LAMA3: variants seen among roughly 807,000 people sequenced by gnomAD.
LAMA3 encodes laminin subunit alpha 3.
Under a neutral mutation model 402.0 loss-of-function variants are expected in LAMA3, and 281 were observed. The ratio of observed to expected loss-of-function variants is 0.70; its 90% CI spans 0.63 to 0.77. LAMA3 has a LOEUF of 0.77. LAMA3 is among the 30% of genes least tolerant of loss of function. The pLI, the probability that LAMA3 is intolerant of heterozygous loss-of-function variation, is 0.00. For synonymous variants in LAMA3, 1,431 were observed against 1,558.4 expected (o/e 0.92, Z 1.93); for missense variants, 3,840 against 4,215.5 (o/e 0.91, Z 2.47).
rs769503044 is a variant in LAMA3 at position 23,916,741 on chromosome 18, GTTTAGCAA to G, written c.7923+50_7923+57del. The G allele has an allele frequency of 1.2e-5, 19 of 1,598,316 alleles. No homozygotes were observed. The Middle Eastern group carries it at 1.5e-3, about 125-fold the overall frequency. ...AGATACAACCAAATATATTCATTCT[GTTTAGCAA>G]TTTGGAGATAACTGGGTTGTTATAA... is the stretch of plus-strand genomic sequence containing the variant. On this transcript the variant is annotated intron_variant, in intron 60 of 74. Transcript: ENST00000313654.
At chr18:23,836,610 G>A (rs2063585953) in intron 24 of LAMA3, among the ~76,000 whole-genome samples, 1 of 152,170 alleles carries the variant, frequency 6.6e-6, no homozygotes, top group Non-Finnish European at 1.5e-5. Context: ...TGGGATGGTG[G>A]CTGTGAGGCT....
At chr18:23,714,256 A>G (rs2145913155) in intron 2 of LAMA3, among the ~76,000 whole-genome samples, 184 bp downstream of exon 2, 1 of 152,334 alleles carries the variant, frequency 6.6e-6, no homozygotes, top group South Asian at 2.1e-4. Flanking sequence ...ACAGTGGCTC[A>G]TGCCTGTAAT....
chr18:23,901,402 C>A, intron 48 of LAMA3, 79 bp downstream of exon 48: 2 of 1,208,480 alleles, frequency 1.7e-6, no homozygotes, highest in Non-Finnish European at 2.4e-6. Flanking sequence ...AATAAAGTGG[C>A]ATAGCCAGGC....
chr18:23,915,202 A>C (rs1599085258), intron 58 of LAMA3, 87 bp from the exon 59 acceptor site: 10 of 1,419,616 alleles, frequency 7.0e-6, no homozygotes, highest in Admixed American at 3.5e-5. Flanking sequence ...CCCTTATGCC[A>C]TAGTGACTGT....
intron 7 of LAMA3, among the ~76,000 whole-genome samples, chr18:23,760,804 G>T (rs563091619): frequency 6.6e-6 from 1 of 152,324 alleles, no homozygotes; most frequent in East Asian, 1.9e-4. Flanking sequence ...GTAAGTCCAA[G>T]AGTAAGGCAC....
chr18:23,731,303 A>T (rs1462836385), intron 2 of LAMA3, among the ~76,000 whole-genome samples: 5 of 152,204 alleles, frequency 3.3e-5, no homozygotes, highest in Non-Finnish European at 7.3e-5. Flanking sequence ...CATCCTAAGC[A>T]TCTAGAACAT....
Position 23,943,844 on chromosome 18 carries a change from C to G in LAMA3, c.9083C>G (p.Thr3028Arg). 2.5e-6 allele frequency: 4 copies of G among 1,613,912 alleles called. No homozygotes were observed. The highest frequency in any genetic ancestry group is 2.5e-6 in the Non-Finnish European group (3 of 1,179,828). The change falls in exon 69 of 75, where the codon ACG becomes AGG. Residue 3028 changes from threonine to arginine, a missense_variant. Coordinates refer to ENST00000313654, the MANE Select transcript of LAMA3 (RefSeq NM_198129.4). Reference sequence around the variant, plus strand: ...TCCTCCAGAGGACTGGTGTTTCACACGGGCACTAAGAACTCCTTTATGGCT... The same window carrying G: ...TCCTCCAGAGGACTGGTGTTTCACAGGGGCACTAAGAACTCCTTTATGGCT... ...TTSSRGLVFH[T>R]GTKNSFMALY...
intron 7 of LAMA3, 146 bp from the exon 8 acceptor site, chr18:23,763,259 A>T: frequency 1.5e-6 from 1 of 656,302 alleles, no homozygotes; most frequent in African/African-American, 1.8e-5. Flanking sequence ...TTGTGTAAAG[A>T]TCCCTAAAAA....
At position 23,933,919 on chromosome 18, in the gene LAMA3, CTT is replaced by C; in HGVS notation, c.8849_8850del (p.Phe2950SerfsTer81). 6.2e-7 allele frequency: 1 copy of C among 1,614,124 alleles called. No homozygotes were observed. Among genetic ancestry groups the C allele is most frequent in the Non-Finnish European group, 8.5e-7 (1 of 1,179,994 alleles). On this transcript the variant is annotated frameshift_variant, in exon 67 of 75. Coordinates refer to ENST00000313654, the MANE Select transcript of LAMA3 (RefSeq NM_198129.4). LOFTEE classifies it high-confidence loss of function. ...TCTACCAGGTTTAACAAGACCAAGA[CTT>C]TTCGTATCAACCAGGTAAGTGTCCA...
intron 7 of LAMA3, among the ~76,000 whole-genome samples, chr18:23,760,029 G>T (rs2061936788): frequency 6.6e-6 from 1 of 152,176 alleles, no homozygotes; most frequent in African/African-American, 2.4e-5. Context: ...TTCAAACACT[G>T]ATTTAGGATA....
Position 23,827,406 on chromosome 18 carries a change from C to G in LAMA3, c.2762C>G (p.Pro921Arg). The stretch of plus-strand genomic sequence containing the variant: ...TTCCTGCTTGATGGGGAGCCAAGAC[C>G]CGTGGCAGTGAGGCAGCCCACACCT... Reference protein sequence around the residue: ...RHFLLDGEPRPVAVRQPTPAH... With the variant: ...RHFLLDGEPRRVAVRQPTPAH... Residue 921 changes from proline to arginine, a missense_variant, in exon 23 of 75, where the codon CCC becomes CGC. Pro to Arg is a moderately radical substitution (Grantham distance 103). Coordinates refer to ENST00000313654, the MANE Select transcript of LAMA3 (RefSeq NM_198129.4). 6.2e-7 allele frequency: 1 copy of G among 1,614,178 alleles called. No individual in the cohort carries two copies. Among genetic ancestry groups the G allele is most frequent in the Non-Finnish European group, 8.5e-7 (1 of 1,180,020 alleles).
At chr18:23,943,052 T>C (rs2145497524) in intron 68 of LAMA3, among the ~76,000 whole-genome samples, 1 of 152,374 alleles carries the variant, frequency 6.6e-6, no homozygotes, top group Middle Eastern at 3.4e-3. Context: ...GCTTCTTTGA[T>C]GCTTAAATCA....
chr18:23,818,246 A>AT (rs1392225307), intron 18 of LAMA3, among the ~76,000 whole-genome samples: 2 of 152,338 alleles, frequency 1.3e-5, no homozygotes, highest in Non-Finnish European at 2.9e-5. Flanking sequence ...ACCAGCAAAC[A>AT]TTTTTTCTTC....
rs759205388 is a variant in LAMA3, at chr18:23,890,106, C to G, written c.5399C>G (p.Pro1800Arg). 1.2e-6 allele frequency: 2 copies of G among 1,611,870 alleles called. No individual in the cohort carries two copies. Among genetic ancestry groups the G allele is most frequent in the Non-Finnish European group, 1.7e-6 (2 of 1,177,886 alleles). Residue 1800 changes from proline (P) to arginine (R), a missense_variant, in exon 42 of 75, where the codon CCC becomes CGC. Physicochemically the swap from Pro to Arg is moderately radical, Grantham distance 103 (BLOSUM62 -2). Transcript: ENST00000313654. Reference protein sequence around the residue: ...NSNGQLGSCHPLTGDCINQEP... With the variant: ...NSNGQLGSCHRLTGDCINQEP... ...AATGGCCAGCTGGGCAGCTGTCATC[C>G]CCTGACTGGAGGTAAGGCCGACCCA...
intron 8 of LAMA3, among the ~76,000 whole-genome samples, chr18:23,771,001 A>G (rs1203313667): frequency 6.6e-6 from 1 of 150,958 alleles, no homozygotes; most frequent in Non-Finnish European, 1.5e-5. Flanking sequence ...TACTTTGGGA[A>G]AACGGCCATT....
rs1344809745 is a variant in LAMA3 at position 23,867,970 on chromosome 18, T to A, written c.4767+53T>A. 6 of 1,327,476 alleles carry A rather than the reference T, an allele frequency of 4.5e-6. No individual in the cohort carries two copies. In the Admixed American group the frequency reaches 1.0e-4, roughly 22 times the overall value. 82.2% of individuals were successfully genotyped at this position (1,327,476 alleles called of 1,614,324 possible). ...CCTTTCTGTTTTGTGACTTAATTAT[T>A]TCAGACAATCATGATTTTTACTCAT... On this transcript the variant is annotated intron_variant, in intron 37 of 74. Coordinates refer to ENST00000313654, the MANE Select transcript of LAMA3 (RefSeq NM_198129.4).
chr18:23,911,950 CAT>C (rs916416602), intron 55 of LAMA3, among the ~76,000 whole-genome samples: 426 of 141,964 alleles, frequency 3.0e-3, no homozygotes, highest in African/African-American at 3.8e-3. Context: ...TATTATATAA[CAT>C]ATAATTTATG....
intron 50 of LAMA3, 24 bp from the exon 51 acceptor site, chr18:23,904,529 T>G (rs1599052813): frequency 6.4e-7 from 1 of 1,572,082 alleles, no homozygotes; most frequent in African/African-American, 1.4e-5. Flanking sequence ...CTGTGGGGAG[T>G]GGCTAACCTG....
intron 4 of LAMA3, among the ~76,000 whole-genome samples, chr18:23,750,061 C>T (rs1052232514): frequency 2.6e-5 from 4 of 152,140 alleles, no homozygotes; most frequent in Admixed American, 1.3e-4. Context: ...TGCATGGAGC[C>T]GATCCTACGT....
Sources: gnomAD v4.1 joint callset for allele counts (sites outside exome capture counted in the v4.1 genomes callset) on GRCh38, gnomAD v4.1.1 for gene constraint, MANE v1.5 for transcripts, NCBI Gene and HGNC (gene_info 2026-07-23, HGNC 2026-07-21) for gene names.